Variants in ZNF507 observed in about 807,000 individuals in gnomAD.
ZNF507 encodes zinc finger protein 507.
ZNF507 carries 29 observed loss-of-function variants against 80.0 expected under a neutral mutation model. The observed-to-expected ratio is 0.36, with a 90% confidence interval of 0.27 to 0.49. The LOEUF is 0.49. Ranked by LOEUF, ZNF507 falls within the 20% of genes least tolerant of loss-of-function variation. The pLI is 0.98. For missense variants in ZNF507, 1,081 were observed against 1,152.2 expected, an observed-to-expected ratio of 0.94 and a Z score of 0.90; for synonymous variants, 462 against 422.5, an observed-to-expected ratio of 1.09 and a Z score of -1.15.
chr19:32,385,418 GT>G lies in ZNF507; in HGVS notation c.*2336del, dbSNP rs1441566789. The G allele has an allele frequency of 1.3e-5, 2 of 152,146 alleles. No individual in the cohort carries two copies. Among genetic ancestry groups the G allele is most frequent in the East Asian group, 3.9e-4 (2 of 5,194 alleles). 9.4% of individuals were successfully genotyped at this position (152,146 alleles called of 1,614,324 possible). On this transcript the variant is annotated 3_prime_UTR_variant, in exon 7 of 7. Coordinates refer to ENST00000355898, the MANE Select transcript of ZNF507 (RefSeq NM_001136156.2). ...TTCTTTCCCTTCCCATTATCATTTT[GT>G]GGCAAGCCTTAAGTTAACAATGTGT...
intron 3 of ZNF507, 130 bp from the exon 4 acceptor site, chr19:32,356,486 C>CAAA (rs1255383568): frequency 1.6e-6 from 1 of 625,050 alleles, no homozygotes; most frequent in African/African-American, 1.8e-5. Context: ...GATCCTTTAG[C>CAAA]AGACTTGATT....
In ZNF507 at chr19:32,387,455, A is replaced by G. The variant is rs977323596; in HGVS notation, c.*4372A>G. ...ATATCCCCTGTCTTTGAAAAACCCA[A>G]TCTGAAACTGTGTCACTAACCTCCA... is the stretch of plus-strand genomic sequence containing the variant. On this transcript the variant is annotated 3_prime_UTR_variant, in exon 7 of 7. Transcript: ENST00000355898. 12 of 152,308 alleles carry G rather than the reference A, an allele frequency of 7.9e-5. No homozygotes were observed. The highest frequency in any genetic ancestry group is 2.6e-4 in the African/African-American group (11 of 41,554). The allele number at this position is 152,308 out of a possible 1,614,324, so 9.4% of individuals were successfully genotyped here.
intron 5 of ZNF507, among the ~76,000 whole-genome samples, chr19:32,381,083 AT>A (rs1346892290): frequency 6.6e-6 from 1 of 152,206 alleles, no homozygotes; most frequent in African/African-American, 2.4e-5. Context: ...AGCAATAAGA[AT>A]GATCAAGCCC....
intron 5 of ZNF507, among the ~76,000 whole-genome samples, chr19:32,367,196 C>T (rs1185183366): frequency 6.6e-6 from 1 of 152,092 alleles, no homozygotes; most frequent in African/African-American, 2.4e-5. Context: ...GGTACAGGCT[C>T]TTCTTAACAG....
intron 4 of ZNF507, 186 bp downstream of exon 4, chr19:32,356,919 A>G: frequency 6.8e-6 from 4 of 586,214 alleles, no homozygotes; most frequent in Non-Finnish European, 1.2e-5. Context: ...GCAGATGATT[A>G]CTAGGTCCTA....
In ZNF507 at chr19:32,354,564, G is replaced by C; in HGVS notation, c.1734G>C (p.Gln578His). The C allele has an allele frequency of 6.2e-7, 1 of 1,614,144 alleles. No individual in the cohort carries two copies. The change falls in exon 3 of 7, where the codon CAG becomes CAC. Residue 578 changes from glutamine to histidine, a missense_variant. Physicochemically the swap from Gln to His is conservative, Grantham distance 24 (BLOSUM62 0). This residue lies in a region of ZNF507 where 614 missense variants were observed against 583.9 expected (regional missense o/e 1.05). Coordinates refer to ENST00000355898, the MANE Select transcript of ZNF507 (RefSeq NM_001136156.2). The stretch of plus-strand genomic sequence containing the variant: ...GTAGGCAGGAATTGTCAGATGGGCA[G>C]GTTAAGACAGGCATCAGCATGTCCT... ...PEGRQELSDGQVKTGISMSLL... is the reference protein window; with the variant it reads ...PEGRQELSDGHVKTGISMSLL...
At chr19:32,370,667 T>C (rs1449320402) in intron 5 of ZNF507, among the ~76,000 whole-genome samples, 1 of 152,258 alleles carries the variant, frequency 6.6e-6, no homozygotes, top group Non-Finnish European at 1.5e-5. Flanking sequence ...AGATATTTTT[T>C]TTGCAGTCTT....
In ZNF507 at chr19:32,353,026, A is replaced by G; in HGVS notation, c.196A>G (p.Ile66Val). ...ENEKSQKCLLIGKKRPRSSAA... is the reference protein window; with the variant it reads ...ENEKSQKCLLVGKKRPRSSAA... The stretch of plus-strand genomic sequence containing the variant: ...TGAAAAGTCACAAAAATGTCTTTTA[A>G]TTGGGAAGAAACGCCCACGTTCAAG... Residue 66 changes from isoleucine (I) to valine (V), a missense_variant, in exon 3 of 7, where the codon ATT becomes GTT. By Grantham distance (29) the Ile-to-Val change is conservative. This residue lies in a region of ZNF507 where 275 missense variants were observed against 303.9 expected (regional missense o/e 0.90). Coordinates refer to ENST00000355898, the MANE Select transcript of ZNF507 (RefSeq NM_001136156.2). 1 of 1,613,994 alleles carries G rather than the reference A, an allele frequency of 6.2e-7. No individual in the cohort carries two copies. The highest frequency in any genetic ancestry group is 8.5e-7 in the Non-Finnish European group (1 of 1,179,976).
At chr19:32,372,777 C>A (rs1341303883) in intron 5 of ZNF507, among the ~76,000 whole-genome samples, 1 of 151,914 alleles carries the variant, frequency 6.6e-6, no homozygotes, top group African/African-American at 2.4e-5. Flanking sequence ...AACACAGAAA[C>A]CTCCCACTAG....
chr19:32,366,580 G>T (rs566655346), intron 5 of ZNF507, among the ~76,000 whole-genome samples: 1 of 152,288 alleles, frequency 6.6e-6, no homozygotes, highest in South Asian at 2.1e-4. Flanking sequence ...CCACTGTTAA[G>T]ACCACCGCAA....
At position 32,353,164 on chromosome 19, in the gene ZNF507, C is replaced by T. The variant is rs775422106; in HGVS notation, c.334C>T (p.Pro112Ser). ...TGAGATGTCACAAACAAATTTTACC[C>T]CTGACACTCTTGCCCAGAATGAAGG... ...RAEMSQTNFT[P>S]DTLAQNEGKA... The change falls in exon 3 of 7, where the codon CCT (proline) becomes TCT (serine). Residue 112 changes from proline (P) to serine (S), a missense_variant. By Grantham distance (74) the Pro-to-Ser change is moderately conservative (BLOSUM62 -1). Transcript: ENST00000355898. 3 of 1,614,118 alleles carry T rather than the reference C, an allele frequency of 1.9e-6. No individual in the cohort carries two copies. Among genetic ancestry groups the T allele is most frequent in the East Asian group, 4.5e-5 (2 of 44,900 alleles).
rs1967206585 is a variant in ZNF507 at position 32,353,797 on chromosome 19, C to G, written c.967C>G (p.Gln323Glu). The G allele has an allele frequency of 6.2e-7, 1 of 1,614,188 alleles. No individual in the cohort carries two copies. Among genetic ancestry groups the G allele is most frequent in the African/African-American group, 1.3e-5 (1 of 75,036 alleles). ...GAGTATCCACAATGGGCCATCAGTG[C>G]AAGTGCAGATTTGCAGCTCAGAACA... The part of the protein sequence containing the change: ...ELSIHNGPSV[Q>E]VQICSSEQLS... Residue 323 changes from glutamine (Q) to glutamate (E), a missense_variant, in exon 3 of 7, where the codon CAA becomes GAA. Around this residue, in one of 6 missense-constraint regions of ZNF507, gnomAD observed 614 missense variants for 583.9 expected, o/e 1.05. Coordinates refer to ENST00000355898, the MANE Select transcript of ZNF507 (RefSeq NM_001136156.2).
intron 3 of ZNF507, among the ~76,000 whole-genome samples, chr19:32,356,037 T>C (rs1370909608): frequency 1.3e-5 from 2 of 152,158 alleles, no homozygotes; most frequent in Non-Finnish European, 1.5e-5. Flanking sequence ...CCCTTGAGTC[T>C]GAGGTTCACT....
intron 4 of ZNF507, chr19:32,357,334 G>A (rs558875004): frequency 6.6e-5 from 10 of 152,398 alleles, no homozygotes; most frequent in South Asian, 4.1e-4. Context: ...TGCCACATCC[G>A]GAGAATTAAG....
chr19:32,351,833 T>TA (rs1967173126), intron 2 of ZNF507, among the ~76,000 whole-genome samples: 1 of 152,170 alleles, frequency 6.6e-6, no homozygotes, highest in Non-Finnish European at 1.5e-5. Context: ...GTCAACAAAT[T>TA]AATCTCACTT....
rs760098387 is a variant in ZNF507, at chr19:32,386,425, C to T, written c.*3342C>T. On this transcript the variant is annotated 3_prime_UTR_variant, in exon 7 of 7. Transcript: ENST00000355898. ...ACAGCAAGGTGCTCTAAGTAATATTCGATAAAATATATTTAATAGAAATTT... is the reference window on the plus strand; with the variant it reads ...ACAGCAAGGTGCTCTAAGTAATATTTGATAAAATATATTTAATAGAAATTT... 2.6e-5 allele frequency: 4 copies of T among 152,320 alleles called. No homozygotes were observed. Among genetic ancestry groups the T allele is most frequent in the Non-Finnish European group, 5.9e-5 (4 of 68,020 alleles). 9.4% of individuals were successfully genotyped at this position (152,320 alleles called of 1,614,324 possible).
In ZNF507 at chr19:32,353,386, A is replaced by G; in HGVS notation, c.556A>G (p.Thr186Ala). The G allele has an allele frequency of 1.2e-6, 2 of 1,614,190 alleles. No homozygotes were observed. The highest frequency in any genetic ancestry group is 1.7e-6 in the Non-Finnish European group (2 of 1,180,034). Residue 186 changes from threonine to alanine, a missense_variant, in exon 3 of 7, where the codon ACC becomes GCC. Thr to Ala is a moderately conservative substitution (Grantham distance 58, BLOSUM62 0). This residue lies in a region of ZNF507 where 275 missense variants were observed against 303.9 expected (regional missense o/e 0.90). Transcript: ENST00000355898. The part of the protein sequence containing the change: ...NDHDNDANIH[T>A]QSKAQQCVSP... ...CCATGACAATGATGCCAATATCCAC[A>G]CCCAATCCAAAGCCCAACAGTGCGT... is the stretch of plus-strand genomic sequence containing the variant.
intron 5 of ZNF507, among the ~76,000 whole-genome samples, chr19:32,366,504 G>C (rs1001690500): frequency 6.6e-6 from 1 of 152,136 alleles, no homozygotes; most frequent in Admixed American, 6.5e-5. Flanking sequence ...TTTGCTCAAC[G>C]TGTGTGTATG....
chr19:32,351,460 T>C (rs1967163529), intron 2 of ZNF507, among the ~76,000 whole-genome samples: 1 of 121,312 alleles, frequency 8.2e-6, no homozygotes, highest in Non-Finnish European at 1.6e-5. Context: ...TGTGTGTGTG[T>C]GTGTGTGTGT....
Sources: gnomAD v4.1 joint callset for allele counts (sites outside exome capture counted in the v4.1 genomes callset) on GRCh38, gnomAD v4.1.1 for gene constraint, gnomAD v4.1.1 regional missense constraint, MANE v1.5 for transcripts, NCBI Gene and HGNC (gene_info 2026-07-23, HGNC 2026-07-21) for gene names.